Variants in EGFR observed in about 807,000 individuals in gnomAD.
The protein encoded by EGFR is epidermal growth factor receptor.
Under a neutral mutation model 143.0 loss-of-function variants are expected in EGFR, and 58 were observed. That is an observed-to-expected ratio of 0.41 (90% confidence interval 0.33 to 0.50). The LOEUF is 0.50. Among genes scored for constraint, EGFR ranks in the 20% least tolerant of loss-of-function variants. EGFR has a pLI of 0.39. For synonymous variants in EGFR, 613 were observed against 594.4 expected (o/e 1.03, Z -0.45); for missense variants, 1,307 against 1,579.0 (o/e 0.83, Z 2.92).
chr7:55,022,086 C>G (rs538813565), intron 1 of EGFR, among the ~76,000 whole-genome samples: 1 of 152,150 alleles, frequency 6.6e-6, no homozygotes, highest in South Asian at 2.1e-4. Context: ...GCGGGCTGTC[C>G]GGCAGTCTGC....
At chr7:55,160,102 A>AT (rs1290670960) in intron 11 of EGFR, 37 bp from the exon 12 acceptor site, 4 of 1,611,198 alleles carry the variant, frequency 2.5e-6, no homozygotes. Context: ...TGTTTTTATA[A>AT]TTTTTCACCA....
intron 1 of EGFR, among the ~76,000 whole-genome samples, chr7:55,129,736 T>C (rs1793729614): frequency 6.6e-6 from 1 of 152,232 alleles, no homozygotes; most frequent in African/African-American, 2.4e-5. Context: ...TTCCTTTATT[T>C]AGCTGATGAT....
intron 6 of EGFR, among the ~76,000 whole-genome samples, chr7:55,153,603 G>C (rs1254388448): frequency 5.9e-5 from 9 of 152,130 alleles, no homozygotes; most frequent in African/African-American, 2.2e-4. Context: ...TTCTAGCAAG[G>C]CTTTCTGCCA....
intron 15 of EGFR, chr7:55,168,678 C>G (rs1008095045): frequency 8.1e-7 from 1 of 1,238,642 alleles, no homozygotes; most frequent in Non-Finnish European, 1.1e-6. Flanking sequence ...TGTGTGATTA[C>G]ATTCCTGATT....
At chr7:55,036,990 C>T (rs1787622352) in intron 1 of EGFR, among the ~76,000 whole-genome samples, 1 of 152,142 alleles carries the variant, frequency 6.6e-6, no homozygotes, top group South Asian at 2.1e-4. Context: ...GAAAATCAAC[C>T]CCTTGGTGAA....
At chr7:55,035,021 G>A (rs1259868720) in intron 1 of EGFR, among the ~76,000 whole-genome samples, 1 of 152,184 alleles carries the variant, frequency 6.6e-6, no homozygotes, top group African/African-American at 2.4e-5. Context: ...AGTGGCATGT[G>A]ACACACTTGA....
chr7:55,030,601 C>T (rs912776886), intron 1 of EGFR, among the ~76,000 whole-genome samples: 1 of 152,166 alleles, frequency 6.6e-6, no homozygotes, highest in African/African-American at 2.4e-5. Context: ...CTTGATTTAG[C>T]AGTTGGGTCA....
At position 55,191,834 on chromosome 7, in the gene EGFR, T is replaced by C; in HGVS notation, c.2585T>C (p.Leu862Pro). Residue 862 changes from leucine (L) to proline (P), a missense_variant, in exon 21 of 28, where the codon CTG (leucine) becomes CCG (proline). Coordinates refer to ENST00000275493, the MANE Select transcript of EGFR (RefSeq NM_005228.5). ...ACAGATTTTGGGCTGGCCAAACTGCTGGGTGCGGAAGAGAAAGAATACCAT... is the reference window on the plus strand; with the variant it reads ...ACAGATTTTGGGCTGGCCAAACTGCCGGGTGCGGAAGAGAAAGAATACCAT... ...KITDFGLAKL[L>P]GAEEKEYHAE... The C allele has an allele frequency of 6.2e-7, 1 of 1,614,038 alleles. No homozygotes were observed. Among genetic ancestry groups the C allele is most frequent in the Non-Finnish European group, 8.5e-7 (1 of 1,180,028 alleles).
chr7:55,169,567 C>CA (rs796549612), intron 15 of EGFR, among the ~76,000 whole-genome samples: 58 of 147,356 alleles, frequency 3.9e-4, no homozygotes, highest in African/African-American at 8.2e-4. Context: ...AATTCCTTAC[C>CA]AAAAAAAAAA....
chr7:55,136,574 C>A (rs1046415694), intron 1 of EGFR, among the ~76,000 whole-genome samples: 10 of 152,220 alleles, frequency 6.6e-5, no homozygotes, highest in Admixed American at 2.0e-4. Context: ...TATGTGTACA[C>A]ACACACACAC....
At chr7:55,145,538 G>T (rs1417718907) in intron 3 of EGFR, among the ~76,000 whole-genome samples, 4 of 152,190 alleles carry the variant, frequency 2.6e-5, no homozygotes, top group Non-Finnish European at 5.9e-5. Flanking sequence ...TAAGATGTGT[G>T]CCTGTGCCCT....
Position 55,174,832 on chromosome 7 carries a change from C to T in EGFR, c.2283+12C>T, listed in dbSNP as rs756284463. 6.8e-6 allele frequency: 11 copies of T among 1,610,812 alleles called. No homozygotes were observed. Among genetic ancestry groups the T allele is most frequent in the Non-Finnish European group, 9.3e-6 (11 of 1,177,020 alleles). On this transcript the variant is annotated intron_variant, in intron 19 of 27. Coordinates refer to ENST00000275493, the MANE Select transcript of EGFR (RefSeq NM_005228.5). ...AGGAAATCCTCGATGTGAGTTTCTGCTTTGCTGTGTGGGGGTCCATGGCTC... is the reference window on the plus strand; with the variant it reads ...AGGAAATCCTCGATGTGAGTTTCTGTTTTGCTGTGTGGGGGTCCATGGCTC...
At position 55,181,316 on chromosome 7, in the gene EGFR, G is replaced by A. The variant is rs757699292; in HGVS notation, c.2307G>A (p.Val769=). The A allele has an allele frequency of 2.5e-6, 4 of 1,614,204 alleles. No homozygotes were observed. Among genetic ancestry groups the A allele is most frequent in the Non-Finnish European group, 3.4e-6 (4 of 1,180,050 alleles). The change falls in exon 20 of 28, where the codon GTG becomes GTA. Residue 769 remains valine, a synonymous_variant. Transcript: ENST00000275493. Reference sequence around the variant, plus strand: ...AGGAAGCCTACGTGATGGCCAGCGTGGACAACCCCCACGTGTGCCGCCTGC... The same window carrying A: ...AGGAAGCCTACGTGATGGCCAGCGTAGACAACCCCCACGTGTGCCGCCTGC... ...ILDEAYVMAS[V]DNPHVCRLLG... is the part of the protein sequence containing the mutation.
intron 4 of EGFR, among the ~76,000 whole-genome samples, chr7:55,148,624 GA>G: frequency 6.6e-6 from 1 of 152,314 alleles, no homozygotes; most frequent in East Asian, 1.9e-4. Context: ...TATTAGGGGT[GA>G]AAATATCAAA....
At chr7:55,194,829 T>C (rs1217446290) in intron 22 of EGFR, among the ~76,000 whole-genome samples, 1 of 152,266 alleles carries the variant, frequency 6.6e-6, no homozygotes, top group Admixed American at 6.5e-5. Context: ...CGGCAGATTA[T>C]AATCACTGGC....
chr7:55,136,258 T>A (rs980908351), intron 1 of EGFR, among the ~76,000 whole-genome samples: 30 of 152,234 alleles, frequency 2.0e-4, no homozygotes, highest in Admixed American at 2.0e-3. Flanking sequence ...CTTAAATCTT[T>A]CAGCAAGAAA....
At chr7:55,051,127 T>C (rs10242779) in intron 1 of EGFR, among the ~76,000 whole-genome samples, 6,054 of 152,352 alleles carry the variant, frequency 0.04, 155 homozygotes, top group Middle Eastern at 0.058. Flanking sequence ...TGGTAAGGCA[T>C]ACTTTTGCAG....
intron 1 of EGFR, among the ~76,000 whole-genome samples, chr7:55,113,102 G>T (rs1792615955): frequency 1.3e-5 from 2 of 152,188 alleles, no homozygotes; most frequent in South Asian, 4.1e-4. Context: ...GTCTGCCAGG[G>T]GAGCAGCGAT....
chr7:55,104,532 G>C (rs528380799), intron 1 of EGFR, among the ~76,000 whole-genome samples: 43 of 152,288 alleles, frequency 2.8e-4, no homozygotes, highest in Middle Eastern at 3.4e-3. Flanking sequence ...CCTATCTGTG[G>C]GGGTTATCTG....
Sources: gnomAD v4.1 joint callset for allele counts (sites outside exome capture counted in the v4.1 genomes callset) on GRCh38, gnomAD v4.1.1 for gene constraint, MANE v1.5 for transcripts, NCBI Gene and HGNC (gene_info 2026-07-23, HGNC 2026-07-21) for gene names.